The following C1orf105 variants were observed in gnomAD, a reference collection of about 807,000 sequenced individuals.
C1orf105 encodes chromosome 1 open reading frame 105.
A neutral mutation model predicts 20.8 loss-of-function variants in C1orf105; 17 were observed. That is an observed-to-expected ratio of 0.82 (90% CI 0.56 to 1.23). C1orf105 has a LOEUF of 1.23. C1orf105 is among the 50% of genes most tolerant of loss of function. The pLI is 0.00. For missense variants in C1orf105, 219 were observed against 213.5 expected, an observed-to-expected ratio of 1.03 and a Z score of -0.16; for synonymous variants, 72 against 72.1, an observed-to-expected ratio of 1.00 and a Z score of 0.01.
At position 172,448,483 on chromosome 1, in the gene C1orf105, G is replaced by A. The variant is rs554416370; in HGVS notation, c.150G>A (p.Lys50=). ...TSATFLTSSK[K]NMNLPILFQV... is the part of the protein sequence containing the mutation. The stretch of plus-strand genomic sequence containing the variant: ...CGACTTTTCTGACTTCATCCAAGAA[G>A]AATATGAATTTGCCAATTTTGTTTC... Residue 50 remains lysine (K), a synonymous_variant, in exon 3 of 7, where the codon AAG becomes AAA. Transcript: ENST00000367727. 2.3e-5 allele frequency: 37 copies of A among 1,613,538 alleles called. No homozygotes were observed. The highest frequency in any genetic ancestry group is 2.8e-5 in the Non-Finnish European group (33 of 1,179,610).
chr1:172,430,338 G>T, intron 1 of C1orf105: 1 of 701,228 alleles, frequency 1.4e-6, no homozygotes, highest in Non-Finnish European at 2.6e-6. Context: ...TGCCACAGGT[G>T]AGCCTCATCA....
chr1:172,444,135 C>A, intron 1 of C1orf105: 1 of 989,760 alleles, frequency 1.0e-6, no homozygotes, highest in Non-Finnish European at 1.2e-6. Context: ...CTGGAACCAT[C>A]GCGACGTGAC....
intron 1 of C1orf105, chr1:172,441,352 T>TACACACACACACACACACAC (rs55669322): frequency 6.4e-6 from 1 of 156,422 alleles, no homozygotes; most frequent in African/African-American, 2.5e-5. Context: ...GAAGTGACTT[T>TACACACACACACACACACAC]ACACACACAC....
chr1:172,451,790 T>C (rs1648669925), intron 3 of C1orf105, among the ~76,000 whole-genome samples: 1 of 151,978 alleles, frequency 6.6e-6, no homozygotes, highest in Non-Finnish European at 1.5e-5. Context: ...AAGGTTTTTT[T>C]TGAATATTGA....
At chr1:172,434,072 C>G (rs2071958663) in intron 1 of C1orf105, among the ~76,000 whole-genome samples, 2 of 152,164 alleles carry the variant, frequency 1.3e-5, no homozygotes, top group African/African-American at 4.8e-5. Context: ...AATATATATG[C>G]ACCCAATAAA....
chr1:172,441,697 G>A (rs1647321240), intron 1 of C1orf105: 30 of 1,500,200 alleles, frequency 2.0e-5, no homozygotes, highest in Non-Finnish European at 2.7e-5. Context: ...TAATCTATCA[G>A]CTTGCTTTAA....
At chr1:172,460,296 A>G (rs1381654756) in intron 4 of C1orf105, among the ~76,000 whole-genome samples, 1 of 152,228 alleles carries the variant, frequency 6.6e-6, no homozygotes, top group Non-Finnish European at 1.5e-5. Context: ...GTAACTACTC[A>G]TATTCCTATG....
chr1:172,431,781 G>A lies in C1orf105; in HGVS notation c.21+10875G>A, dbSNP rs572383366. On this transcript the variant is annotated intron_variant, in intron 1 of 6. Transcript: ENST00000367727. ...GATGGAGGGTGAGCCAAAGCAGGGC[G>A]GGGCATCGCCTCACCTGGATTGCTC... Among the ~76,000 whole-genome samples, 12 of 152,348 alleles carry A rather than the reference G, an allele frequency of 7.9e-5. No homozygotes were observed. The East Asian group carries it at 2.1e-3, about 27-fold the overall frequency.
chr1:172,443,555 T>A (rs1647578513), intron 1 of C1orf105: 1 of 167,076 alleles, frequency 6.0e-6, no homozygotes, highest in African/African-American at 2.4e-5. Flanking sequence ...AAGAAGATAA[T>A]CATTCCTTTT....
intron 3 of C1orf105, among the ~76,000 whole-genome samples, chr1:172,450,008 A>C (rs573547805): frequency 6.6e-6 from 1 of 152,364 alleles, no homozygotes; most frequent in Admixed American, 6.5e-5. Context: ...GGGGAAGGAA[A>C]GCCAATGCTA....
intron 1 of C1orf105, among the ~76,000 whole-genome samples, chr1:172,440,765 CG>C (rs1346840575): frequency 2.0e-5 from 3 of 152,096 alleles, no homozygotes; most frequent in African/African-American, 7.2e-5. Context: ...TGTTTTTAGA[CG>C]GATTAATTTA....
At chr1:172,460,405 G>C (rs1170933982) in intron 4 of C1orf105, among the ~76,000 whole-genome samples, 1 of 139,868 alleles carries the variant, frequency 7.1e-6, no homozygotes, top group Non-Finnish European at 1.6e-5. Context: ...GTTTTATCTA[G>C]GCTGTGTTTC....
chr1:172,425,552 T>C (rs890233679), intron 1 of C1orf105, among the ~76,000 whole-genome samples: 9 of 152,074 alleles, frequency 5.9e-5, no homozygotes, highest in African/African-American at 2.2e-4. Context: ...GCCCTCTTGG[T>C]GGCCAAAGGA....
At chr1:172,428,855 G>T in intron 1 of C1orf105, 1 of 693,550 alleles carries the variant, frequency 1.4e-6, no homozygotes, top group African/African-American at 1.8e-5. Flanking sequence ...AATATTTATT[G>T]ACAATAAATT....
intron 1 of C1orf105, among the ~76,000 whole-genome samples, chr1:172,433,671 G>A (rs1019085217): frequency 3.3e-5 from 5 of 152,180 alleles, no homozygotes; most frequent in African/African-American, 9.7e-5. Context: ...AAAGACTATC[G>A]ATGCTAGGAA....
At chr1:172,434,702 C>A (rs184532165) in intron 1 of C1orf105, among the ~76,000 whole-genome samples, 118 of 152,006 alleles carry the variant, frequency 7.8e-4, no homozygotes, top group Admixed American at 1.9e-3. Context: ...ACTAGAGAAG[C>A]AAAAGCAAAT....
intron 4 of C1orf105, among the ~76,000 whole-genome samples, chr1:172,461,613 C>G (rs1039176412): frequency 2.6e-5 from 4 of 152,140 alleles, no homozygotes; most frequent in Non-Finnish European, 5.9e-5. Flanking sequence ...TGAAAGACAC[C>G]TTTAAAATTT....
chr1:172,448,637 A>C, intron 3 of C1orf105, 106 bp downstream of exon 3: 1 of 667,800 alleles, frequency 1.5e-6, no homozygotes. Context: ...TTGGTACACC[A>C]TCAATGTTCA....
At chr1:172,453,888 A>G (rs555114138) in intron 3 of C1orf105, among the ~76,000 whole-genome samples, 2 of 152,340 alleles carry the variant, frequency 1.3e-5, no homozygotes, top group Non-Finnish European at 1.5e-5. Flanking sequence ...AGTAGCTATC[A>G]AGGCCAGGTG....
Sources: gnomAD v4.1 joint callset for allele counts (sites outside exome capture counted in the v4.1 genomes callset) on GRCh38, gnomAD v4.1.1 for gene constraint, MANE v1.5 for transcripts, NCBI Gene and HGNC (gene_info 2026-07-23, HGNC 2026-07-21) for gene names.